TTLL5: variants seen among roughly 807,000 people sequenced by gnomAD.
The protein encoded by TTLL5 is tubulin tyrosine ligase like 5, also known as tubulin polyglutamylase TTLL5.
In TTLL5, 132 loss-of-function variants were observed where a neutral mutation model predicts 168.4. The observed-to-expected ratio is 0.78, with a 90% CI of 0.68 to 0.91. The LOEUF is 0.91. Among genes scored for constraint, TTLL5 ranks in the 40% least tolerant of loss-of-function variants. The pLI, the probability that TTLL5 is intolerant of heterozygous loss-of-function variation, is 0.00. For synonymous variants in TTLL5, 546 were observed against 558.6 expected, an observed-to-expected ratio of 0.98 and a Z score of 0.32; for missense variants, 1,545 against 1,581.5, an observed-to-expected ratio of 0.98 and a Z score of 0.39.
At chr14:75,773,494 T>C (rs1212007682) in intron 21 of TTLL5, among the ~76,000 whole-genome samples, 2 of 152,152 alleles carry the variant, frequency 1.3e-5, no homozygotes, top group Non-Finnish European at 2.9e-5. Context: ...CCACTGCGGA[T>C]GCTGGCTTGG....
At chr14:75,750,927 T>C (rs1022978264) in intron 17 of TTLL5, among the ~76,000 whole-genome samples, 6 of 152,178 alleles carry the variant, frequency 3.9e-5, no homozygotes, top group Admixed American at 3.3e-4. Context: ...TATGAGATGG[T>C]ACAGTGAGAT....
intron 26 of TTLL5, among the ~76,000 whole-genome samples, chr14:75,785,419 C>A (rs1052403774): frequency 6.6e-6 from 1 of 152,104 alleles, no homozygotes; most frequent in Non-Finnish European, 1.5e-5. Flanking sequence ...ACCTTGTGAT[C>A]CACCCACCTT....
intron 31 of TTLL5, among the ~76,000 whole-genome samples, chr14:75,935,392 C>T (rs2034405417): frequency 1.3e-5 from 2 of 152,192 alleles, no homozygotes; most frequent in African/African-American, 4.8e-5. Context: ...GCTCCTGCTT[C>T]ATTGGAACTC....
chr14:75,784,041 T>G (rs1251591617), intron 26 of TTLL5, among the ~76,000 whole-genome samples: 4 of 152,228 alleles, frequency 2.6e-5, no homozygotes, highest in African/African-American at 7.2e-5. Context: ...TCTATCAAAT[T>G]CACCCTTTTA....
chr14:75,914,033 AATAT>A (rs1182456559), intron 31 of TTLL5, among the ~76,000 whole-genome samples: 10 of 71,096 alleles, frequency 1.4e-4, no homozygotes, highest in African/African-American at 6.2e-4. Flanking sequence ...AAAAAAAAAA[AATAT>A]ATATATATAT....
Position 75,752,939 on chromosome 14 carries a change from C to T in TTLL5, c.1534C>T (p.Arg512Cys), listed in dbSNP as rs746661330. 7.0e-5 allele frequency: 113 copies of T among 1,613,200 alleles called. 1 individual carries two copies. In the South Asian group the frequency reaches 8.8e-4, roughly 13 times the overall value. Residue 512 changes from arginine to cysteine, a missense_variant, in exon 18 of 32, where the codon CGC becomes TGC. Transcript: ENST00000298832. Reference protein sequence around the residue: ...KTSMNYMLATRLFQDRMTADG... With the variant: ...KTSMNYMLATCLFQDRMTADG... ...CTCAATGAACTATATGCTGGCAACA[C>T]GCCTCTTCCAGGACAGGTAGAGATT...
chr14:75,683,087 A>C (rs1373106529), intron 4 of TTLL5, among the ~76,000 whole-genome samples: 1 of 152,164 alleles, frequency 6.6e-6, no homozygotes, highest in Non-Finnish European at 1.5e-5. Flanking sequence ...GGAAGTTCTG[A>C]TACCAGTTTG....
intron 27 of TTLL5, among the ~76,000 whole-genome samples, chr14:75,794,060 T>TAAAG (rs1892864692): frequency 6.6e-6 from 1 of 152,192 alleles, no homozygotes; most frequent in Admixed American, 6.5e-5. Flanking sequence ...GGACCAAAAC[T>TAAAG]AAAGCTAAGC....
chr14:75,700,731 T>C (rs1040440562), intron 7 of TTLL5, among the ~76,000 whole-genome samples: 5 of 152,212 alleles, frequency 3.3e-5, no homozygotes, highest in African/African-American at 1.2e-4. Context: ...TCACTCCTGC[T>C]CTAAAACTTG....
intron 26 of TTLL5, among the ~76,000 whole-genome samples, chr14:75,788,133 ATAAATAAG>A (rs903425993): frequency 6.7e-4 from 102 of 152,296 alleles, no homozygotes; most frequent in African/African-American, 2.4e-3. Context: ...AAATAAATAA[ATAAATAAG>A]TAAATAAGTA....
intron 18 of TTLL5, among the ~76,000 whole-genome samples, chr14:75,763,246 GCT>G (rs35399721): frequency 0.061 from 8,933 of 147,098 alleles, 476 homozygotes; most frequent in African/African-American, 0.14. Context: ...TATTTCTATA[GCT>G]CTCTCTCTGT....
In TTLL5 at chr14:75,764,598, T is replaced by C. The variant is rs779685833; in HGVS notation, c.1551-17T>C. On this transcript the variant is annotated splice_polypyrimidine_tract_variant and intron_variant, in intron 18 of 31. Transcript: ENST00000298832. ...AACTTTCTGAAGGCCATAGCTACCA[T>C]GTTGCTTTTCCCCTAGAATGACTGC... is the stretch of plus-strand genomic sequence containing the variant. The C allele has an allele frequency of 1.2e-6, 2 of 1,613,508 alleles. No individual in the cohort carries two copies. The highest frequency in any genetic ancestry group is 2.2e-5 in the East Asian group (1 of 44,864).
intron 28 of TTLL5, among the ~76,000 whole-genome samples, chr14:75,855,427 G>A (rs1897083494): frequency 6.6e-6 from 1 of 152,168 alleles, no homozygotes. Context: ...TGAGTTTTCT[G>A]GGTTTTTGTT....
At chr14:75,899,231 TTAA>T (rs1274754284) in intron 30 of TTLL5, among the ~76,000 whole-genome samples, 5 of 152,226 alleles carry the variant, frequency 3.3e-5, no homozygotes, top group Non-Finnish European at 7.3e-5. Context: ...AGTAACTGAC[TTAA>T]AGACAACCAA....
intron 27 of TTLL5, among the ~76,000 whole-genome samples, chr14:75,800,316 TATG>T (rs1893226113): frequency 1.3e-5 from 2 of 152,152 alleles, no homozygotes; most frequent in South Asian, 4.1e-4. Context: ...TTCCAGGAGT[TATG>T]ATTGTTTTTT....
At chr14:75,915,849 C>T (rs1029568596) in intron 31 of TTLL5, among the ~76,000 whole-genome samples, 2 of 151,898 alleles carry the variant, frequency 1.3e-5, no homozygotes, top group Non-Finnish European at 2.9e-5. Context: ...AAAAATAAGT[C>T]GGACATGGTG....
chr14:75,692,455 A>G (rs1394200949), intron 6 of TTLL5, among the ~76,000 whole-genome samples: 1 of 152,176 alleles, frequency 6.6e-6, no homozygotes, highest in African/African-American at 2.4e-5. Context: ...AATTAATATT[A>G]TTATGTTCTG....
chr14:75,803,642 G>C (rs1049060327), intron 27 of TTLL5, among the ~76,000 whole-genome samples: 1 of 152,140 alleles, frequency 6.6e-6, no homozygotes, highest in Admixed American at 6.6e-5. Context: ...AGATTTTTTG[G>C]AAATCTATGT....
intron 28 of TTLL5, among the ~76,000 whole-genome samples, chr14:75,825,069 T>A (rs1427553781): frequency 6.6e-6 from 1 of 152,220 alleles, no homozygotes; most frequent in Non-Finnish European, 1.5e-5. Flanking sequence ...CATCTTTTTT[T>A]CAATGCACAT....
Sources: allele counts gnomAD v4.1 joint callset (sites outside exome capture counted in the v4.1 genomes callset), GRCh38; gene constraint gnomAD v4.1.1; transcripts MANE v1.5; gene names NCBI Gene and HGNC (gene_info 2026-07-23, HGNC 2026-07-21).